The following HSP90B1 variants were observed in gnomAD, a reference collection of about 807,000 sequenced individuals.
HSP90B1 encodes the protein heat shock protein 90 beta family member 1, also known as endoplasmin.
A neutral mutation model predicts 100.4 loss-of-function variants in HSP90B1; 27 were observed. That is an observed-to-expected ratio of 0.27 (90% confidence interval 0.20 to 0.37). HSP90B1 has a LOEUF of 0.37. Among genes scored for constraint, HSP90B1 ranks in the 10% least tolerant of loss-of-function variants. The pLI is 1.00. For synonymous variants in HSP90B1, 304 were observed against 330.8 expected (o/e 0.92, Z 0.88); for missense variants, 678 against 960.5 (o/e 0.71, Z 3.89).
intron 14 of HSP90B1, among the ~76,000 whole-genome samples, chr12:103,944,558 C>CTT (rs563203951): frequency 1.4e-5 from 2 of 146,686 alleles, no homozygotes; most frequent in East Asian, 3.9e-4. Flanking sequence ...CTTAAGGATT[C>CTT]TTTTTTTTTT....
intron 10 of HSP90B1, 45 bp from the exon 11 acceptor site, chr12:103,941,787 T>G: frequency 6.2e-7 from 1 of 1,605,210 alleles, no homozygotes; most frequent in Non-Finnish European, 8.5e-7. Context: ...TTTGCTTTCT[T>G]CCAGTGGTTT....
chr12:103,946,805 C>T lies in HSP90B1; in HGVS notation c.2126C>T (p.Thr709Ile), dbSNP rs1375463361. The T allele has an allele frequency of 6.2e-7, 1 of 1,613,970 alleles. No homozygotes were observed. The highest frequency in any genetic ancestry group is 8.5e-7 in the Non-Finnish European group (1 of 1,180,000). ...RRIKEDEDDKTVLDLAVVLFE... is the reference protein window; with the variant it reads ...RRIKEDEDDKIVLDLAVVLFE... ...TTTCAGGAAGATGAAGATGATAAAA[C>T]AGTTTTGGATCTTGCTGTGGTTTTG... is the stretch of plus-strand genomic sequence containing the variant. Residue 709 changes from threonine (T) to isoleucine (I), a missense_variant, in exon 16 of 18, where the codon ACA becomes ATA. Around this residue, in one of 8 missense-constraint regions of HSP90B1, gnomAD observed 64 missense variants for 66.4 expected, o/e 0.96. Coordinates refer to ENST00000299767, the MANE Select transcript of HSP90B1 (RefSeq NM_003299.3).
intron 6 of HSP90B1, 193 bp from the exon 7 acceptor site, chr12:103,938,147 G>A (rs1038006835): frequency 4.5e-6 from 2 of 441,948 alleles, no homozygotes; most frequent in Non-Finnish European, 4.1e-6. Flanking sequence ...CTCCAGCCTA[G>A]GTGACAAAGC....
chr12:103,931,711 G>A (rs749062551), intron 2 of HSP90B1, 88 bp downstream of exon 2: 5 of 954,134 alleles, frequency 5.2e-6, no homozygotes, highest in African/African-American at 1.6e-5. Context: ...TTCTCCAAAG[G>A]TCCAGATAAA....
intron 16 of HSP90B1, 68 bp downstream of exon 16, chr12:103,947,009 C>A: frequency 6.7e-7 from 1 of 1,491,962 alleles, no homozygotes; most frequent in Non-Finnish European, 9.1e-7. Flanking sequence ...CAGAATAGGC[C>A]TCTCATGATT....
intron 14 of HSP90B1, among the ~76,000 whole-genome samples, chr12:103,945,118 C>G (rs1467179937): frequency 6.6e-6 from 1 of 152,162 alleles, no homozygotes; most frequent in South Asian, 2.1e-4. Context: ...GTAGACATAA[C>G]TCCTGTCTTT....
In HSP90B1 at chr12:103,930,665, G is replaced by T; in HGVS notation, c.49+101G>T. 1 of 1,148,426 alleles carries T rather than the reference G, an allele frequency of 8.7e-7. No homozygotes were observed. The highest frequency in any genetic ancestry group is 1.5e-5 in the African/African-American group (1 of 64,852). The allele number at this position is 1,148,426 out of a possible 1,614,324, so 71.1% of individuals were successfully genotyped here. On this transcript the variant is annotated intron_variant, in intron 1 of 17. Coordinates refer to ENST00000299767, the MANE Select transcript of HSP90B1 (RefSeq NM_003299.3). The surrounding 1 kb of genome is among the most constrained non-coding windows in gnomAD (Gnocchi z 4.4). The stretch of plus-strand genomic sequence containing the variant: ...CGTGGGAGGGGGGATCCCGGGGCCT[G>T]CGGTGGGCCAAGGGACGTCACCATT...
intron 8 of HSP90B1, 42 bp from the exon 9 acceptor site, chr12:103,941,368 C>CT (rs747556443): frequency 6.2e-7 from 1 of 1,600,728 alleles, no homozygotes; most frequent in Admixed American, 1.7e-5. Flanking sequence ...CACTGCTTTT[C>CT]TCCTGTGTCG....
intron 14 of HSP90B1, among the ~76,000 whole-genome samples, chr12:103,945,667 A>T (rs530398142): frequency 6.6e-6 from 1 of 152,188 alleles, no homozygotes; most frequent in Non-Finnish European, 1.5e-5. Flanking sequence ...AGGACATTAA[A>T]TCAGTTCGTC....
rs935259473 is a variant in HSP90B1 at position 103,930,751 on chromosome 12, G to T, written c.49+187G>T. Among the ~76,000 whole-genome samples, 1 of 152,182 alleles carries T rather than the reference G, an allele frequency of 6.6e-6. No homozygotes were observed. Among genetic ancestry groups the T allele is most frequent in the Non-Finnish European group, 1.5e-5 (1 of 68,030 alleles). On this transcript the variant is annotated intron_variant, in intron 1 of 17. Transcript: ENST00000299767. This position sits in a 1 kb window ranked among gnomAD's most constrained non-coding sequence, Gnocchi z 4.4. ...TTCTTCCTCTGGAAATAAAAAAAGA[G>T]AGCAACATCATCTAACTGCCCTACA...
intron 8 of HSP90B1, among the ~76,000 whole-genome samples, chr12:103,940,666 A>C (rs1197578496): frequency 6.6e-6 from 1 of 152,192 alleles, no homozygotes; most frequent in East Asian, 1.9e-4. Flanking sequence ...AATGTGAGCC[A>C]CACATGATTT....
At chr12:103,936,622 CAAAAAAAAAA>C (rs10611658) in intron 5 of HSP90B1, among the ~76,000 whole-genome samples, 4 of 116,824 alleles carry the variant, frequency 3.4e-5, no homozygotes, top group South Asian at 6.0e-4. Context: ...GACAGAGGTC[CAAAAAAAAAA>C]AAAAAAAAAA....
At chr12:103,947,176 G>A in intron 16 of HSP90B1, 135 bp from the exon 17 acceptor site, 1 of 1,266,956 alleles carries the variant, frequency 7.9e-7, no homozygotes, top group Admixed American at 2.5e-5. Context: ...TAGCTTGGCT[G>A]TTCATTCTAG....
chr12:103,942,924 C>T, intron 12 of HSP90B1, 128 bp downstream of exon 12: 2 of 1,420,634 alleles, frequency 1.4e-6, no homozygotes, highest in Non-Finnish European at 1.9e-6. Context: ...TGGTCAGTCA[C>T]TGACAGGAAG....
At position 103,943,627 on chromosome 12, in the gene HSP90B1, T is replaced by TG; in HGVS notation, c.1891-110dup. 1 of 1,108,080 alleles carries TG rather than the reference T, an allele frequency of 9.0e-7. No individual in the cohort carries two copies. Among genetic ancestry groups the TG allele is most frequent in the Non-Finnish European group, 1.3e-6 (1 of 786,628 alleles). 68.6% of individuals were successfully genotyped at this position (1,108,080 alleles called of 1,614,324 possible). A position where few individuals can be genotyped will look rare whatever the true frequency, so the allele number is the denominator to read the frequency against. ...CTTAAGAAAAGCTATTTTTATGACC[T>TG]GCTTCTGTGTTTATGATCTTAAGTG... On this transcript the variant is annotated intron_variant, in intron 13 of 17. Coordinates refer to ENST00000299767, the MANE Select transcript of HSP90B1 (RefSeq NM_003299.3). This position sits in a 1 kb window ranked among gnomAD's most constrained non-coding sequence, Gnocchi z 5.3.
rs1259446764 is a variant in HSP90B1, at chr12:103,943,100, A to T, written c.1671A>T (p.Arg557=). 1.5e-5 allele frequency: 25 copies of T among 1,614,096 alleles called. No homozygotes were observed. Among genetic ancestry groups the T allele is most frequent in the Non-Finnish European group, 2.1e-5 (25 of 1,179,986 alleles). The part of the protein sequence containing the change: ...KEAESSPFVE[R]LLKKGYEVIY... Reference sequence around the variant, plus strand: ...CTGAATCTTCTCCATTTGTTGAGCGACTTCTGAAAAAGGGCTATGAAGTTA... The same window carrying T: ...CTGAATCTTCTCCATTTGTTGAGCGTCTTCTGAAAAAGGGCTATGAAGTTA... The change falls in exon 13 of 18, where the codon CGA becomes CGT. Residue 557 remains arginine (R), a synonymous_variant. Coordinates refer to ENST00000299767, the MANE Select transcript of HSP90B1 (RefSeq NM_003299.3). This position sits in a 1 kb window ranked among gnomAD's most constrained non-coding sequence, Gnocchi z 5.3.
In HSP90B1 at chr12:103,930,460, G is replaced by A. The variant is rs867527894; in HGVS notation, c.-56G>A. The A allele has an allele frequency of 6.3e-6, 9 of 1,434,012 alleles. No individual in the cohort carries two copies. Among genetic ancestry groups the A allele is most frequent in the South Asian group, 1.3e-5 (1 of 78,800 alleles). The allele number at this position is 1,434,012 out of a possible 1,614,324, so 88.8% of individuals were successfully genotyped here. A position where few individuals can be genotyped will look rare whatever the true frequency, so the allele number is the denominator to read the frequency against. ...TGTGAGGATCCGAACCCAGGGGTGG[G>A]GGGTGGAGGCGGCTCCTGCGATCGA... On this transcript the variant is annotated 5_prime_UTR_variant, in exon 1 of 18. Coordinates refer to ENST00000299767, the MANE Select transcript of HSP90B1 (RefSeq NM_003299.3). This position sits in a 1 kb window ranked among gnomAD's most constrained non-coding sequence, Gnocchi z 4.4.
In HSP90B1 at chr12:103,940,372, G is replaced by A. The variant is rs1158657701; in HGVS notation, c.1092+747G>A. ...CTTCTTCTTTTATTGATCCCTTCTT[G>A]TAACTCTTAAGGATGCAAAACTAGC... On this transcript the variant is annotated intron_variant, in intron 8 of 17. Coordinates refer to ENST00000299767, the MANE Select transcript of HSP90B1 (RefSeq NM_003299.3). Among the ~76,000 whole-genome samples the A allele has an allele frequency of 2.7e-5, 4 of 149,532 alleles. No individual in the cohort carries two copies. In the East Asian group the frequency reaches 7.8e-4, roughly 29 times the overall value.
chr12:103,935,268 T>C (rs892917797), intron 5 of HSP90B1, among the ~76,000 whole-genome samples: 4 of 152,210 alleles, frequency 2.6e-5, no homozygotes, highest in Non-Finnish European at 5.9e-5. Flanking sequence ...CTGTTGTTTG[T>C]ATGGGTGAGA....
Sources: allele counts gnomAD v4.1 joint callset (sites outside exome capture counted in the v4.1 genomes callset), GRCh38; gene constraint gnomAD v4.1.1; regional missense constraint gnomAD v4.1.1; non-coding constraint Gnocchi (gnomAD v3.1); transcripts MANE v1.5; gene names NCBI Gene and HGNC (gene_info 2026-07-23, HGNC 2026-07-21).